The following ELMO1 variants were observed in gnomAD, a reference collection of about 807,000 sequenced individuals.
ELMO1 encodes engulfment and cell motility 1, also known as engulfment and cell motility protein 1.
A neutral mutation model predicts 98.9 loss-of-function variants in ELMO1; 26 were observed. That is an observed-to-expected ratio of 0.26 (90% CI 0.19 to 0.36). The LOEUF (loss-of-function observed/expected upper bound fraction) is 0.36. Among genes scored for constraint, ELMO1 ranks in the 10% least tolerant of loss-of-function variants. ELMO1 has a pLI of 1.00. For missense variants in ELMO1, 627 were observed against 935.2 expected, an observed-to-expected ratio of 0.67 and a Z score of 4.30; for synonymous variants, 346 against 346.0, an observed-to-expected ratio of 1.00 and a Z score of 0.00.
intron 16 of ELMO1, among the ~76,000 whole-genome samples, chr7:36,946,591 C>CT (rs1377875681): frequency 6.6e-6 from 1 of 152,210 alleles, no homozygotes; most frequent in Non-Finnish European, 1.5e-5. Context: ...CTATTGTTAT[C>CT]TGTGGTAAGG....
rs1039452912 is a variant in ELMO1 at position 37,190,916 on chromosome 7, C to T, written c.1086+20470G>A. Among the ~76,000 whole-genome samples the T allele has an allele frequency of 5.9e-5, 9 of 151,878 alleles. No individual in the cohort carries two copies. In the South Asian group the frequency reaches 8.3e-4, roughly 14 times the overall value. On this transcript the variant is annotated intron_variant, in intron 13 of 21. Coordinates refer to ENST00000310758, the MANE Select transcript of ELMO1 (RefSeq NM_014800.11). Reference sequence around the variant, plus strand: ...AGAAAATATCTGGAAAGGCCAGGCACGGTGGCTCAAGCCTGTAATCCCAGC... The same window carrying T: ...AGAAAATATCTGGAAAGGCCAGGCATGGTGGCTCAAGCCTGTAATCCCAGC...
intron 14 of ELMO1, among the ~76,000 whole-genome samples, chr7:37,131,468 C>T: frequency 6.6e-6 from 1 of 152,186 alleles, no homozygotes; most frequent in East Asian, 1.9e-4. Context: ...ACATATGCTT[C>T]TTATGCAATT....
intron 1 of ELMO1, among the ~76,000 whole-genome samples, chr7:37,363,862 A>G (rs1801794670): frequency 6.6e-6 from 1 of 152,196 alleles, no homozygotes; most frequent in Non-Finnish European, 1.5e-5. Flanking sequence ...TCAGGGTAGA[A>G]AAATTAAACC....
intron 13 of ELMO1, among the ~76,000 whole-genome samples, chr7:37,188,113 C>T (rs1293452177): frequency 6.6e-6 from 1 of 152,092 alleles, no homozygotes; most frequent in East Asian, 1.9e-4. Flanking sequence ...AAATTACAAA[C>T]TTCACACACT....
chr7:37,252,788 C>A (rs564110635), intron 6 of ELMO1, among the ~76,000 whole-genome samples: 3 of 152,094 alleles, frequency 2.0e-5, no homozygotes, highest in Non-Finnish European at 4.4e-5. Flanking sequence ...TCAGAGTGAA[C>A]AGGCAACCTA....
chr7:37,219,284 C>T (rs998406106), intron 10 of ELMO1, among the ~76,000 whole-genome samples: 5 of 152,164 alleles, frequency 3.3e-5, no homozygotes, highest in African/African-American at 1.2e-4. Flanking sequence ...TCCTTCTGAC[C>T]ATGGTGGCAT....
chr7:36,874,825 G>T (rs541467462), intron 19 of ELMO1, among the ~76,000 whole-genome samples: 2 of 152,316 alleles, frequency 1.3e-5, no homozygotes, highest in East Asian at 3.9e-4. Context: ...GAGGGATATG[G>T]GGAGAGGGGG....
intron 1 of ELMO1, among the ~76,000 whole-genome samples, chr7:37,377,519 C>T (rs868868726): frequency 2.0e-5 from 3 of 152,094 alleles, no homozygotes; most frequent in Non-Finnish European, 4.4e-5. Context: ...TCACCCCTCT[C>T]AACGCTCTCT....
intron 9 of ELMO1, among the ~76,000 whole-genome samples, chr7:37,223,370 G>A (rs536500486): frequency 3.9e-5 from 6 of 152,304 alleles, no homozygotes; most frequent in Non-Finnish European, 8.8e-5. Context: ...GAGAGGTGGA[G>A]CTTAGAACTA....
chr7:36,883,255 T>A (rs1357534066), intron 18 of ELMO1, among the ~76,000 whole-genome samples: 1 of 152,240 alleles, frequency 6.6e-6, no homozygotes, highest in Admixed American at 6.5e-5. Flanking sequence ...ATGTTATCAC[T>A]TCTTGAAATG....
intron 8 of ELMO1, among the ~76,000 whole-genome samples, chr7:37,231,230 C>T (rs899680248): frequency 6.6e-6 from 1 of 152,018 alleles, no homozygotes; most frequent in Non-Finnish European, 1.5e-5. Flanking sequence ...GCGGACATGA[C>T]ACCTGTGGGG....
At chr7:37,028,035 T>C (rs1163287580) in intron 15 of ELMO1, among the ~76,000 whole-genome samples, 1 of 147,404 alleles carries the variant, frequency 6.8e-6, no homozygotes, top group Non-Finnish European at 1.5e-5. Context: ...ACGAGAACTG[T>C]CTTTTTTTTT....
intron 13 of ELMO1, among the ~76,000 whole-genome samples, chr7:37,145,021 C>CA (rs1009583303): frequency 6.6e-6 from 1 of 152,048 alleles, no homozygotes. Flanking sequence ...ATTTTATAGA[C>CA]AAAAAAACTG....
intron 4 of ELMO1, among the ~76,000 whole-genome samples, chr7:37,280,326 T>A (rs1797069568): frequency 6.6e-6 from 1 of 152,078 alleles, no homozygotes; most frequent in East Asian, 1.9e-4. Flanking sequence ...CAAAAGCAAA[T>A]GCAATGAAAA....
In ELMO1 at chr7:36,964,469, C is replaced by T. The variant is rs200104545; in HGVS notation, c.1437+48830G>A. 1.5e-4 allele frequency among the ~76,000 whole-genome samples: 23 copies of T among 152,256 alleles called. No individual in the cohort carries two copies. In the East Asian group the frequency reaches 2.9e-3, roughly 19 times the overall value. On this transcript the variant is annotated intron_variant, in intron 16 of 21. Coordinates refer to ENST00000310758, the MANE Select transcript of ELMO1 (RefSeq NM_014800.11). ...TGTATGAGTACTCAAAGTATGGTTT[C>T]CACTGAATGTGTGTCGCTCTCACAT...
At chr7:36,881,077 T>A (rs1317976989) in intron 18 of ELMO1, among the ~76,000 whole-genome samples, 1 of 152,206 alleles carries the variant, frequency 6.6e-6, no homozygotes, top group Non-Finnish European at 1.5e-5. Flanking sequence ...ACATCACAGA[T>A]ATAAGTGATG....
chr7:37,366,762 G>A (rs1378691239), intron 1 of ELMO1, among the ~76,000 whole-genome samples: 5 of 152,110 alleles, frequency 3.3e-5, no homozygotes, highest in African/African-American at 1.2e-4. Context: ...AGCATTCTCC[G>A]AACTCCTCTA....
In ELMO1 at chr7:36,992,723, C is replaced by T. The variant is rs190360623; in HGVS notation, c.1437+20576G>A. 7.7e-4 allele frequency among the ~76,000 whole-genome samples: 118 copies of T among 152,292 alleles called. 1 individual carries two copies. The highest frequency in any genetic ancestry group is 3.8e-3 in the Admixed American group (58 of 15,300). The stretch of plus-strand genomic sequence containing the variant: ...AAACCTCTTCCAATTCCAAAACACA[C>T]CCATTTCACATGCAAATAATTCTAC... On this transcript the variant is annotated intron_variant, in intron 16 of 21. Transcript: ENST00000310758.
At chr7:37,226,303 C>A (rs1639814133) in intron 8 of ELMO1, among the ~76,000 whole-genome samples, 1 of 152,152 alleles carries the variant, frequency 6.6e-6, no homozygotes, top group Non-Finnish European at 1.5e-5. Flanking sequence ...TGCTTCAGCT[C>A]TTCTCATGGC....
Sources: gnomAD v4.1 joint callset for allele counts (sites outside exome capture counted in the v4.1 genomes callset) on GRCh38, gnomAD v4.1.1 for gene constraint, MANE v1.5 for transcripts, NCBI Gene and HGNC (gene_info 2026-07-23, HGNC 2026-07-21) for gene names.